Variants in JAM3 observed in about 807,000 individuals in gnomAD.
The protein encoded by JAM3 is junctional adhesion molecule C.
In JAM3, 31 loss-of-function variants were observed where a neutral mutation model predicts 39.4. That is an observed-to-expected ratio of 0.79 (90% confidence interval 0.59 to 1.06). The LOEUF is 1.06. Among genes scored for constraint, JAM3 ranks in the 50% least tolerant of loss-of-function variants. JAM3 has a pLI of 0.00. For synonymous variants in JAM3, 182 were observed against 148.7 expected (o/e 1.22, Z -1.63); for missense variants, 455 against 391.4 (o/e 1.16, Z -1.37).
At chr11:134,069,208 G>A (rs1352750169) in intron 1 of JAM3, 49 bp downstream of exon 1, 3 of 1,595,580 alleles carry the variant, frequency 1.9e-6, no homozygotes, top group East Asian at 2.3e-5. Flanking sequence ...TGGGGGCGAC[G>A]GAAGCAGAGC....
chr11:134,094,977 G>A (rs1376718831), intron 1 of JAM3, among the ~76,000 whole-genome samples: 1 of 152,202 alleles, frequency 6.6e-6, no homozygotes, highest in African/African-American at 2.4e-5. Context: ...TATGTAACAC[G>A]TATGTTAAAA....
intron 6 of JAM3, chr11:134,147,999 A>G (rs1943110095): frequency 1.1e-5 from 2 of 177,892 alleles, no homozygotes; most frequent in South Asian, 1.3e-4. Context: ...AAAGGGTTCC[A>G]GGGGGTTTCC....
intron 1 of JAM3, among the ~76,000 whole-genome samples, chr11:134,115,584 C>T (rs978694013): frequency 2.0e-5 from 3 of 152,168 alleles, no homozygotes; most frequent in African/African-American, 4.8e-5. Flanking sequence ...GATGTTTTCT[C>T]ATGATTAGAC....
chr11:134,129,949 C>G (rs1942736233), intron 1 of JAM3, among the ~76,000 whole-genome samples: 1 of 152,078 alleles, frequency 6.6e-6, no homozygotes, highest in Non-Finnish European at 1.5e-5. Context: ...TTGCAGTGAG[C>G]CGAGATCGCG....
chr11:134,134,930 T>G (rs1942835874), intron 1 of JAM3, among the ~76,000 whole-genome samples: 2 of 152,244 alleles, frequency 1.3e-5, no homozygotes, highest in African/African-American at 4.8e-5. Flanking sequence ...GCTTTGTACA[T>G]ATTTTCTCCC....
intron 1 of JAM3, among the ~76,000 whole-genome samples, chr11:134,122,587 T>G (rs1942556774): frequency 6.6e-6 from 1 of 152,194 alleles, no homozygotes; most frequent in Admixed American, 6.5e-5. Context: ...TTATGGCCTG[T>G]GGACACATAC....
chr11:134,091,454 G>A (rs1008922544), intron 1 of JAM3, among the ~76,000 whole-genome samples: 4 of 151,936 alleles, frequency 2.6e-5, no homozygotes, highest in East Asian at 1.9e-4. Context: ...AGCCGAGATC[G>A]TCCCACTGCA....
At chr11:134,072,867 G>A (rs967425047) in intron 1 of JAM3, among the ~76,000 whole-genome samples, 2 of 152,082 alleles carry the variant, frequency 1.3e-5, no homozygotes, top group East Asian at 1.9e-4. Flanking sequence ...CTGAGATTGC[G>A]CCACTGCACT....
intron 1 of JAM3, among the ~76,000 whole-genome samples, chr11:134,079,095 C>T (rs149461168): frequency 6.6e-6 from 1 of 152,100 alleles, no homozygotes; most frequent in African/African-American, 2.4e-5. Context: ...TCGCATACAC[C>T]CCCAGGAAGT....
At chr11:134,070,205 C>G in intron 1 of JAM3, 2 of 456,264 alleles carry the variant, frequency 4.4e-6, no homozygotes, top group South Asian at 3.1e-5. Context: ...AGGCTGCATT[C>G]TAAGTAGTGA....
At position 134,144,752 on chromosome 11, in the gene JAM3, T is replaced by G. The variant is rs767481226; in HGVS notation, c.410-40T>G. The stretch of plus-strand genomic sequence containing the variant: ...CTGGGCTTTAATAAGAATAGAGCCC[T>G]GTCACTGAGATCTTAAACACCACCC... On this transcript the variant is annotated intron_variant, in intron 4 of 8. Transcript: ENST00000299106. 3.3e-6 allele frequency: 5 copies of G among 1,534,228 alleles called. No homozygotes were observed. In the African/African-American group the frequency reaches 7.3e-5, roughly 22 times the overall value.
chr11:134,103,217 TAAAGA>T (rs1287423310), intron 1 of JAM3, among the ~76,000 whole-genome samples: 1 of 152,134 alleles, frequency 6.6e-6, no homozygotes, highest in African/African-American at 2.4e-5. Flanking sequence ...TCAACATTCT[TAAAGA>T]AAAGAATTTT....
intron 1 of JAM3, among the ~76,000 whole-genome samples, chr11:134,110,441 T>G (rs1444820601): frequency 6.6e-6 from 1 of 152,242 alleles, no homozygotes; most frequent in African/African-American, 2.4e-5. Flanking sequence ...TTTCCATAAA[T>G]GGAATATGAC....
In JAM3 at chr11:134,083,967, C is replaced by T. The variant is rs537793642; in HGVS notation, c.76+14808C>T. 2.6e-5 allele frequency among the ~76,000 whole-genome samples: 4 copies of T among 152,262 alleles called. No homozygotes were observed. The East Asian group carries it at 7.7e-4, about 29-fold the overall frequency. ...GAATTGGACTCTAAAGAAATATTAC[C>T]TTTTTTTCTCTTTTTTCTATGTAAA... is the stretch of plus-strand genomic sequence containing the variant. On this transcript the variant is annotated intron_variant, in intron 1 of 8. Transcript: ENST00000299106.
intron 1 of JAM3, among the ~76,000 whole-genome samples, chr11:134,088,993 G>T (rs1463536709): frequency 6.6e-6 from 1 of 152,170 alleles, no homozygotes; most frequent in African/African-American, 2.4e-5. Context: ...GGTTTGGGAG[G>T]TGTCAGTTCA....
At chr11:134,092,951 G>A (rs1247757893) in intron 1 of JAM3, among the ~76,000 whole-genome samples, 4 of 149,270 alleles carry the variant, frequency 2.7e-5, no homozygotes, top group Admixed American at 1.3e-4. Flanking sequence ...CATCTTACAT[G>A]TCACTCCCTG....
At chr11:134,093,315 G>T (rs1941909603) in intron 1 of JAM3, among the ~76,000 whole-genome samples, 1 of 130,440 alleles carries the variant, frequency 7.7e-6, no homozygotes, top group South Asian at 2.7e-4. Flanking sequence ...TATTCATCTT[G>T]TTCCATCTTA....
rs533223286 is a variant in JAM3, at chr11:134,110,377, A to G, written c.77-29474A>G. On this transcript the variant is annotated intron_variant, in intron 1 of 8. Transcript: ENST00000299106. ...ACACAAATATTTATTTGTAGCATCT[A>G]AAAACTGGAAATAACCCAAATGCCC... 2.0e-5 allele frequency among the ~76,000 whole-genome samples: 3 copies of G among 152,380 alleles called. No homozygotes were observed. In the East Asian group the frequency reaches 5.8e-4, roughly 29 times the overall value.
chr11:134,134,592 T>A (rs1942829967), intron 1 of JAM3, among the ~76,000 whole-genome samples: 1 of 152,108 alleles, frequency 6.6e-6, no homozygotes, highest in South Asian at 2.1e-4. Flanking sequence ...CTGCCAAGCT[T>A]TTCATGGTGG....
Sources: allele counts gnomAD v4.1 joint callset (sites outside exome capture counted in the v4.1 genomes callset), GRCh38; gene constraint gnomAD v4.1.1; transcripts MANE v1.5; gene names NCBI Gene and HGNC (gene_info 2026-07-23, HGNC 2026-07-21).